HCN1: variants seen among roughly 807,000 people sequenced by gnomAD.
HCN1 encodes hyperpolarization activated cyclic nucleotide gated potassium channel 1.
HCN1 carries 13 observed loss-of-function variants against 78.9 expected under a neutral mutation model. The ratio of observed to expected loss-of-function variants is 0.16; its 90% CI spans 0.11 to 0.26. The LOEUF (loss-of-function observed/expected upper bound fraction) is 0.26, where lower values mean the gene tolerates loss of function less well. Among genes scored for constraint, HCN1 ranks in the 10% least tolerant of loss-of-function variants. The pLI is 1.00. For synonymous variants in HCN1, 552 were observed against 455.5 expected (o/e 1.21, Z -2.70); for missense variants, 810 against 1,154.3 (o/e 0.70, Z 4.32).
chr5:45,290,254 A>G (rs2111883476), intron 6 of HCN1, among the ~76,000 whole-genome samples: 1 of 152,080 alleles, frequency 6.6e-6, no homozygotes, highest in Admixed American at 6.6e-5. Context: ...CTCTTTCTTT[A>G]TAAATTACCT....
intron 6 of HCN1, among the ~76,000 whole-genome samples, chr5:45,282,735 T>C (rs1745192861): frequency 6.6e-6 from 1 of 152,218 alleles, no homozygotes; most frequent in Non-Finnish European, 1.5e-5. Context: ...ATGGGAAATA[T>C]ACCCCGTAGG....
At chr5:45,674,193 A>G (rs1746219451) in intron 1 of HCN1, among the ~76,000 whole-genome samples, 1 of 151,272 alleles carries the variant, frequency 6.6e-6, no homozygotes, top group Non-Finnish European at 1.5e-5. Context: ...GTTGCTTTCT[A>G]TGAATTATAT....
chr5:45,679,590 C>T (rs1455599045), intron 1 of HCN1, among the ~76,000 whole-genome samples: 2 of 151,998 alleles, frequency 1.3e-5, no homozygotes, highest in African/African-American at 2.4e-5. Flanking sequence ...ATTTTGTGAA[C>T]ATTCTAACTC....
rs759865674 is a variant in HCN1, at chr5:45,482,130, T to C, written c.850-20123A>G. On this transcript the variant is annotated intron_variant, in intron 2 of 7. Transcript: ENST00000303230. The stretch of plus-strand genomic sequence containing the variant: ...AAATTAAACTCTGACTCCACTATTA[T>C]AAAAAACCTGGAAACGATTAAACCA... Among the ~76,000 whole-genome samples the C allele has an allele frequency of 7.2e-5, 11 of 152,278 alleles. No homozygotes were observed. In the East Asian group the frequency reaches 1.2e-3, roughly 16 times the overall value.
chr5:45,296,085 A>G (rs1745487522), intron 6 of HCN1, among the ~76,000 whole-genome samples: 1 of 152,070 alleles, frequency 6.6e-6, no homozygotes, highest in African/African-American at 2.4e-5. Context: ...CCATGTCATC[A>G]TAGTGAAAAT....
chr5:45,314,242 A>G (rs981826421), intron 5 of HCN1, among the ~76,000 whole-genome samples: 40 of 152,170 alleles, frequency 2.6e-4, no homozygotes, highest in African/African-American at 9.7e-4. Context: ...TCAACCCAGA[A>G]TTTCATATCC....
intron 5 of HCN1, among the ~76,000 whole-genome samples, chr5:45,317,708 A>G (rs1320783509): frequency 6.6e-6 from 1 of 152,154 alleles, no homozygotes; most frequent in Non-Finnish European, 1.5e-5. Context: ...GAGCTCAAAC[A>G]AATTTACAAG....
chr5:45,612,989 G>A lies in HCN1; in HGVS notation c.849+32196C>T, dbSNP rs552164419. Among the ~76,000 whole-genome samples the A allele has an allele frequency of 5.9e-5, 9 of 152,218 alleles. No homozygotes were observed. The East Asian group carries it at 9.7e-4, about 16-fold the overall frequency. On this transcript the variant is annotated intron_variant, in intron 2 of 7. Transcript: ENST00000303230. The stretch of plus-strand genomic sequence containing the variant: ...ATAGTTAATTATTTACAATACAAAC[G>A]TTGGAGGAAGGAATTCTTTTTTTTA...
At chr5:45,272,099 C>G (rs1744971686) in intron 6 of HCN1, among the ~76,000 whole-genome samples, 1 of 152,070 alleles carries the variant, frequency 6.6e-6, no homozygotes, top group African/African-American at 2.4e-5. Context: ...AGTAAACTTT[C>G]TGATCAAAGA....
chr5:45,654,898 C>G (rs1233894013), intron 1 of HCN1, among the ~76,000 whole-genome samples: 1 of 152,134 alleles, frequency 6.6e-6, no homozygotes, highest in Non-Finnish European at 1.5e-5. Flanking sequence ...CCTCCCACCA[C>G]ATTGCATATT....
intron 2 of HCN1, among the ~76,000 whole-genome samples, chr5:45,593,972 A>G (rs1481295350): frequency 6.6e-6 from 1 of 152,098 alleles, no homozygotes; most frequent in Non-Finnish European, 1.5e-5. Context: ...CACCATGCCC[A>G]GTCTATTCCT....
intron 5 of HCN1, among the ~76,000 whole-genome samples, chr5:45,338,872 A>T (rs1264714571): frequency 6.6e-6 from 1 of 152,140 alleles, no homozygotes; most frequent in Non-Finnish European, 1.5e-5. Flanking sequence ...ATAACTTGTT[A>T]TCTTTCTGCC....
At chr5:45,497,146 T>A (rs1742054710) in intron 2 of HCN1, among the ~76,000 whole-genome samples, 1 of 152,140 alleles carries the variant, frequency 6.6e-6, no homozygotes, top group Non-Finnish European at 1.5e-5. Flanking sequence ...TTGGAATAAG[T>A]GTGGTGTGGT....
At chr5:45,513,925 A>G (rs1413054404) in intron 2 of HCN1, among the ~76,000 whole-genome samples, 1 of 152,168 alleles carries the variant, frequency 6.6e-6, no homozygotes, top group Non-Finnish European at 1.5e-5. Flanking sequence ...TTTTAAAAGG[A>G]CATAAACTGT....
intron 2 of HCN1, chr5:45,644,640 C>T (rs560717484): frequency 3.3e-5 from 5 of 152,670 alleles, no homozygotes; most frequent in African/African-American, 9.6e-5. Context: ...AAATAAGTTA[C>T]TATAGGCAAG....
intron 6 of HCN1, among the ~76,000 whole-genome samples, chr5:45,279,786 T>G (rs566399947): frequency 6.6e-6 from 1 of 152,204 alleles, no homozygotes; most frequent in Non-Finnish European, 1.5e-5. Flanking sequence ...AAAATATAAA[T>G]ATTCTTAAAA....
intron 1 of HCN1, among the ~76,000 whole-genome samples, chr5:45,648,406 A>G (rs1745591096): frequency 1.3e-5 from 2 of 152,126 alleles, no homozygotes; most frequent in African/African-American, 4.8e-5. Context: ...TAGATATCTC[A>G]ATACCAGTAG....
intron 4 of HCN1, among the ~76,000 whole-genome samples, chr5:45,374,085 CATATAT>C (rs1561130183): frequency 2.0e-5 from 1 of 50,176 alleles, no homozygotes; most frequent in Non-Finnish European, 3.9e-5. Flanking sequence ...ATATCTATTA[CATATAT>C]GTATATAATA....
At chr5:45,343,838 A>C (rs1746638888) in intron 5 of HCN1, among the ~76,000 whole-genome samples, 1 of 151,750 alleles carries the variant, frequency 6.6e-6, no homozygotes, top group Admixed American at 6.6e-5. Context: ...TGCAGTGTTA[A>C]AGAAGCCAAA....
Sources: allele counts gnomAD v4.1 joint callset (sites outside exome capture counted in the v4.1 genomes callset), GRCh38; gene constraint gnomAD v4.1.1; transcripts MANE v1.5; gene names NCBI Gene and HGNC (gene_info 2026-07-23, HGNC 2026-07-21).